The following MECOM variants were observed in gnomAD, a reference collection of about 807,000 sequenced individuals.
MECOM encodes the protein MDS1 and EVI1 complex locus.
A neutral mutation model predicts 116.3 loss-of-function variants in MECOM; 13 were observed. The ratio of observed to expected loss-of-function variants is 0.11; its 90% confidence interval spans 0.07 to 0.18. The LOEUF (loss-of-function observed/expected upper bound fraction) is 0.18. Among genes scored for constraint, MECOM ranks in the 10% least tolerant of loss-of-function variants. The pLI is 1.00. For synonymous variants in MECOM, 528 were observed against 535.2 expected, an observed-to-expected ratio of 0.99 and a Z score of 0.19; for missense variants, 1,299 against 1,509.0, an observed-to-expected ratio of 0.86 and a Z score of 2.31.
In MECOM at chr3:169,131,058, T is replaced by A. The variant is rs545341535; in HGVS notation, c.613+371A>T. ...AACACTTTTCCCAGTAATAGAACAT[T>A]AGATGACAGAAACATCCCCTTGATT... On this transcript the variant is annotated intron_variant, in intron 4 of 16. Coordinates refer to ENST00000651503, the MANE Select transcript of MECOM (RefSeq NM_004991.4). Among the ~76,000 whole-genome samples, 5 of 152,266 alleles carry A rather than the reference T, an allele frequency of 3.3e-5. No homozygotes were observed. In the South Asian group the frequency reaches 1.0e-3, roughly 32 times the overall value.
chr3:169,456,358 TG>T (rs750739642), intron 1 of MECOM, among the ~76,000 whole-genome samples: 3 of 152,126 alleles, frequency 2.0e-5, no homozygotes, highest in Non-Finnish European at 2.9e-5. Context: ...GCAGCAGAAG[TG>T]GGTTTAGATT....
intron 1 of MECOM, among the ~76,000 whole-genome samples, chr3:169,485,258 G>A (rs1272815662): frequency 6.6e-6 from 1 of 152,080 alleles, no homozygotes; most frequent in African/African-American, 2.4e-5. Flanking sequence ...GCCTCCCAAA[G>A]TGCTAGGATT....
At chr3:169,251,950 G>A (rs1756293116) in intron 2 of MECOM, among the ~76,000 whole-genome samples, 1 of 152,078 alleles carries the variant, frequency 6.6e-6, no homozygotes, top group Non-Finnish European at 1.5e-5. Flanking sequence ...ATACAAACAT[G>A]TATTCTATAC....
At position 169,618,106 on chromosome 3, in the gene MECOM, C is replaced by T. The variant is rs958430429; in HGVS notation, c.37+45230G>A. On this transcript the variant is annotated intron_variant, in intron 1 of 16. Transcript: ENST00000651503. ...TGCCATCAAAATGAGATCACAACTTCAGATCTATCATTGCATCTAGTCCCA... is the reference window on the plus strand; with the variant it reads ...TGCCATCAAAATGAGATCACAACTTTAGATCTATCATTGCATCTAGTCCCA... 4.6e-5 allele frequency among the ~76,000 whole-genome samples: 7 copies of T among 152,190 alleles called. No individual in the cohort carries two copies. In the South Asian group the frequency reaches 1.4e-3, roughly 31 times the overall value.
intron 2 of MECOM, among the ~76,000 whole-genome samples, chr3:169,275,331 C>CTA (rs1402322331): frequency 6.6e-6 from 1 of 152,196 alleles, no homozygotes; most frequent in Non-Finnish European, 1.5e-5. Context: ...AAGGAGCCAA[C>CTA]TATACATTTT....
chr3:169,282,586 C>A (rs116223190), intron 2 of MECOM, among the ~76,000 whole-genome samples: 140 of 152,116 alleles, frequency 9.2e-4, no homozygotes, highest in African/African-American at 3.2e-3. Context: ...TTTATTCATT[C>A]TTTGCTGTAT....
At chr3:169,129,197 A>C (rs929368484) in intron 4 of MECOM, among the ~76,000 whole-genome samples, 11 of 152,038 alleles carry the variant, frequency 7.2e-5, no homozygotes, top group South Asian at 2.1e-4. Flanking sequence ...ATTTCGGGAA[A>C]TGGGAAGAGA....
chr3:169,278,949 T>C (rs1214818767), intron 2 of MECOM, among the ~76,000 whole-genome samples: 1 of 152,220 alleles, frequency 6.6e-6, no homozygotes, highest in South Asian at 2.1e-4. Flanking sequence ...ATATGAACTA[T>C]GTTGCACTGT....
intron 2 of MECOM, among the ~76,000 whole-genome samples, chr3:169,337,795 T>C (rs762565725): frequency 6.6e-6 from 1 of 152,152 alleles, no homozygotes; most frequent in African/African-American, 2.4e-5. Context: ...TCTACACAAA[T>C]AGATGTGAAA....
At chr3:169,446,303 T>C (rs1019744731) in intron 1 of MECOM, among the ~76,000 whole-genome samples, 16 of 152,112 alleles carry the variant, frequency 1.1e-4, no homozygotes, top group Non-Finnish European at 2.9e-5. Flanking sequence ...GGGGCCAGTC[T>C]TTCCCTTGCT....
chr3:169,352,477 C>T (rs145123790), intron 2 of MECOM, among the ~76,000 whole-genome samples: 13 of 151,836 alleles, frequency 8.6e-5, no homozygotes, highest in Middle Eastern at 3.4e-3. Flanking sequence ...AGTTGTCTAA[C>T]GTAAAAACTC....
At chr3:169,529,711 A>G (rs200578403) in intron 1 of MECOM, among the ~76,000 whole-genome samples, 1 of 152,196 alleles carries the variant, frequency 6.6e-6, no homozygotes, top group East Asian at 1.9e-4. Context: ...TTGTTTTAGT[A>G]ACTGAGTGCT....
intron 1 of MECOM, among the ~76,000 whole-genome samples, chr3:169,446,590 G>A (rs1318780729): frequency 6.6e-6 from 1 of 152,154 alleles, no homozygotes; most frequent in Non-Finnish European, 1.5e-5. Flanking sequence ...TTACATCATA[G>A]AACTTGCTAA....
chr3:169,629,120 A>AT lies in MECOM; in HGVS notation c.37+34215dup, dbSNP rs11284881. On this transcript the variant is annotated intron_variant, in intron 1 of 16. Coordinates refer to ENST00000651503, the MANE Select transcript of MECOM (RefSeq NM_004991.4). ...TCTCAGTGTCTTGCTGCTGCTTGAA[A>AT]TTTTTTTTTTTTTTTTTGAATCTCT... Among the ~76,000 whole-genome samples, 1,150 of 135,448 alleles carry AT rather than the reference A, an allele frequency of 8.5e-3. 8 individuals carry two copies. The highest frequency in any genetic ancestry group is 0.016 in the African/African-American group (603 of 36,964). The allele number at this position is 135,448 out of a possible 152,430, so 88.9% of individuals were successfully genotyped here.
intron 2 of MECOM, chr3:169,147,720 G>GT (rs776202589): frequency 9.2e-6 from 9 of 976,404 alleles, no homozygotes; most frequent in Non-Finnish European, 7.3e-6. Context: ...AGTGTGGTGT[G>GT]TGTGTGTGTG....
chr3:169,633,113 A>C (rs1772289526), intron 1 of MECOM, among the ~76,000 whole-genome samples: 1 of 152,158 alleles, frequency 6.6e-6, no homozygotes, highest in East Asian at 1.9e-4. Context: ...CTTTCTCCAA[A>C]GGCATTTTTT....
chr3:169,120,408 C>T (rs1236694636), intron 7 of MECOM, among the ~76,000 whole-genome samples: 1 of 152,126 alleles, frequency 6.6e-6, no homozygotes, highest in Non-Finnish European at 1.5e-5. Flanking sequence ...TCAGATGTCC[C>T]CTAAAAGCAC....
chr3:169,124,599 A>G (rs1732202966), intron 5 of MECOM, among the ~76,000 whole-genome samples: 1 of 152,056 alleles, frequency 6.6e-6, no homozygotes, highest in Non-Finnish European at 1.5e-5. Context: ...TTATGTTTTT[A>G]AGGAGTCCTT....
intron 1 of MECOM, among the ~76,000 whole-genome samples, chr3:169,443,013 C>T (rs1432110365): frequency 6.6e-6 from 1 of 152,042 alleles, no homozygotes; most frequent in Non-Finnish European, 1.5e-5. Flanking sequence ...AGTGAATAAA[C>T]CCCTTGAAAG....
Sources: gnomAD v4.1 joint callset for allele counts (sites outside exome capture counted in the v4.1 genomes callset) on GRCh38, gnomAD v4.1.1 for gene constraint, MANE v1.5 for transcripts, NCBI Gene and HGNC (gene_info 2026-07-23, HGNC 2026-07-21) for gene names.